BRIP1: variants seen among roughly 807,000 people sequenced by gnomAD.
The protein encoded by BRIP1 is Fanconi anemia group J protein.
Under a neutral mutation model 119.7 loss-of-function variants are expected in BRIP1, and 88 were observed. That is an observed-to-expected ratio of 0.74 (90% confidence interval 0.62 to 0.88). The LOEUF (loss-of-function observed/expected upper bound fraction) is 0.88, where lower values mean the gene tolerates loss of function less well. Ranked by LOEUF, BRIP1 falls within the 40% of genes least tolerant of loss-of-function variation. BRIP1 has a pLI of 0.00. For missense variants in BRIP1, 1,259 were observed against 1,455.4 expected, an observed-to-expected ratio of 0.87 and a Z score of 2.20; for synonymous variants, 443 against 496.5, an observed-to-expected ratio of 0.89 and a Z score of 1.43.
In BRIP1 at chr17:61,849,267, T is replaced by C. The variant is rs1407822955; in HGVS notation, c.380-11A>G. 6.2e-7 allele frequency: 1 copy of C among 1,606,106 alleles called. No individual in the cohort carries two copies. Among genetic ancestry groups the C allele is most frequent in the East Asian group, 2.2e-5 (1 of 44,716 alleles). On this transcript the variant is annotated splice_polypyrimidine_tract_variant and intron_variant, in intron 4 of 19. Coordinates refer to ENST00000259008, the MANE Select transcript of BRIP1 (RefSeq NM_032043.3). ...TTTTTTCAGGGGAGTCTTATATAAG[T>C]AATTTAAAAAAAACAGCATAAATAA...
intron 10 of BRIP1, among the ~76,000 whole-genome samples, chr17:61,787,396 A>ATTTATATAAAATC (rs1414628081): frequency 1.5e-5 from 2 of 137,518 alleles, no homozygotes; most frequent in Non-Finnish European, 3.1e-5. Context: ...TATAGTATAT[A>ATTTATATAAAATC]TATTTATATA....
In BRIP1 at chr17:61,861,563, T is replaced by G; in HGVS notation, c.-24A>C. On this transcript the variant is annotated 5_prime_UTR_variant, in exon 2 of 20. Transcript: ENST00000259008. This position sits in a 1 kb window ranked among gnomAD's most constrained non-coding sequence, Gnocchi z 4.5. ...ATAGTGCTTTCCTGTTTATTTCAGA[T>G]TCCTAACTACAACAGAAATGAAAAT... 1 of 1,521,872 alleles carries G rather than the reference T, an allele frequency of 6.6e-7. No homozygotes were observed. The highest frequency in any genetic ancestry group is 1.1e-5 in the South Asian group (1 of 89,152). The allele number at this position is 1,521,872 out of a possible 1,614,324, so 94.3% of individuals were successfully genotyped here.
At chr17:61,790,486 C>T (rs1364896082) in intron 10 of BRIP1, among the ~76,000 whole-genome samples, 1 of 151,884 alleles carries the variant, frequency 6.6e-6, no homozygotes, top group Non-Finnish European at 1.5e-5. Flanking sequence ...GCAGAGGTTG[C>T]GGTGAGCTGA....
chr17:61,781,103 A>G, intron 11 of BRIP1, 98 bp from the exon 12 acceptor site: 1 of 1,129,760 alleles, frequency 8.9e-7, no homozygotes, highest in South Asian at 1.3e-5. Flanking sequence ...AACTCATTTG[A>G]AAGAGCTGGT....
At chr17:61,859,715 G>T in intron 3 of BRIP1, 81 bp downstream of exon 3, 1 of 900,432 alleles carries the variant, frequency 1.1e-6, no homozygotes, top group Non-Finnish European at 1.9e-6. Context: ...CAGCATGGCT[G>T]AACCAGTCTG....
chr17:61,757,453 A>G lies in BRIP1; in HGVS notation c.2098-12862T>C, dbSNP rs2077215439. On this transcript the variant is annotated intron_variant, in intron 14 of 19. Transcript: ENST00000259008. The surrounding 1 kb of genome is among the most constrained non-coding windows in gnomAD (Gnocchi z 4.3). ...GTTGGCAATCTAACTGGAAATGAAG[A>G]TCCTACAGCCCTCTCTGAAAAGGAA... 6.6e-6 allele frequency among the ~76,000 whole-genome samples: 1 copy of G among 152,178 alleles called. No homozygotes were observed. The highest frequency in any genetic ancestry group is 1.5e-5 in the Non-Finnish European group (1 of 68,036).
At position 61,843,611 on chromosome 17, in the gene BRIP1, C is replaced by A. The variant is rs1230032482; in HGVS notation, c.627+3490G>T. Among the ~76,000 whole-genome samples the A allele has an allele frequency of 3.9e-5, 6 of 152,174 alleles. No individual in the cohort carries two copies. The East Asian group carries it at 1.2e-3, about 29-fold the overall frequency. On this transcript the variant is annotated intron_variant, in intron 6 of 19. Coordinates refer to ENST00000259008, the MANE Select transcript of BRIP1 (RefSeq NM_032043.3). This position sits in a 1 kb window ranked among gnomAD's most constrained non-coding sequence, Gnocchi z 5.7. ...TCTGGTTATTTAAAACAGTGTGGAA[C>A]CTCCTCTGCTCTCTCCTCTGTCCTC...
chr17:61,734,866 C>G lies in BRIP1; in HGVS notation c.2379+8147G>C, dbSNP rs1049689119. On this transcript the variant is annotated intron_variant, in intron 16 of 19. Coordinates refer to ENST00000259008, the MANE Select transcript of BRIP1 (RefSeq NM_032043.3). This position sits in a 1 kb window ranked among gnomAD's most constrained non-coding sequence, Gnocchi z 5.2. ...TAATGTCACTGCCTTCTTTTTCCCACTCAAATCACTTTTCTGACTCAATGA... is the reference window on the plus strand; with the variant it reads ...TAATGTCACTGCCTTCTTTTTCCCAGTCAAATCACTTTTCTGACTCAATGA... Among the ~76,000 whole-genome samples, 1 of 152,124 alleles carries G rather than the reference C, an allele frequency of 6.6e-6. No homozygotes were observed. The highest frequency in any genetic ancestry group is 1.5e-5 in the Non-Finnish European group (1 of 68,022).
Position 61,744,589 on chromosome 17 carries a change from T to C in BRIP1, c.2100A>G (p.Leu700=), listed in dbSNP as rs766047812. 6.8e-6 allele frequency: 11 copies of C among 1,612,700 alleles called. No individual in the cohort carries two copies. Among genetic ancestry groups the C allele is most frequent in the Non-Finnish European group, 8.5e-6 (10 of 1,178,946 alleles). ...GCCAACGTTCTTTTAATTTTTCTAA[T>C]AACTAAAGAGGGGAAAGAAAAAAAT... ...GILCFLPSYK[L]LEKLKERWLS... The change falls in exon 15 of 20, where the codon TTA becomes TTG. Residue 700 remains leucine (L), a splice_region_variant and synonymous_variant. Transcript: ENST00000259008. The surrounding 1 kb of genome is among the most constrained non-coding windows in gnomAD (Gnocchi z 5.0).
At chr17:61,836,850 G>A (rs1282899985) in intron 6 of BRIP1, among the ~76,000 whole-genome samples, 3 of 152,114 alleles carry the variant, frequency 2.0e-5, no homozygotes, top group Non-Finnish European at 4.4e-5. Flanking sequence ...GTATAAAAAT[G>A]AACTGTCATC....
At position 61,725,608 on chromosome 17, in the gene BRIP1, G is replaced by A. The variant is rs1274684650; in HGVS notation, c.2380-9545C>T. 6.6e-6 allele frequency among the ~76,000 whole-genome samples: 1 copy of A among 151,796 alleles called. No individual in the cohort carries two copies. The highest frequency in any genetic ancestry group is 1.5e-5 in the Non-Finnish European group (1 of 67,978). ...ATCTTAGCATGCTTATTCTGTAAAG[G>A]GCTAAGTTAAAGTTTTCATTTTTAT... On this transcript the variant is annotated intron_variant, in intron 16 of 19. Coordinates refer to ENST00000259008, the MANE Select transcript of BRIP1 (RefSeq NM_032043.3). The surrounding 1 kb of genome is among the most constrained non-coding windows in gnomAD (Gnocchi z 5.3).
In BRIP1 at chr17:61,814,661, G is replaced by A. The variant is rs552613081; in HGVS notation, c.628-5904C>T. ...GGCACAACTACTTGAGAGCAAATTGGTGATCTAGTGAAATCAAAGATACAT... is the reference window on the plus strand; with the variant it reads ...GGCACAACTACTTGAGAGCAAATTGATGATCTAGTGAAATCAAAGATACAT... On this transcript the variant is annotated intron_variant, in intron 6 of 19. Transcript: ENST00000259008. This position sits in a 1 kb window ranked among gnomAD's most constrained non-coding sequence, Gnocchi z 4.9. 2.1e-4 allele frequency among the ~76,000 whole-genome samples: 32 copies of A among 152,120 alleles called. No individual in the cohort carries two copies. The highest frequency in any genetic ancestry group is 3.7e-4 in the Non-Finnish European group (25 of 67,914).
intron 14 of BRIP1, among the ~76,000 whole-genome samples, chr17:61,766,923 C>G (rs1047080029): frequency 6.6e-6 from 1 of 152,024 alleles, no homozygotes; most frequent in African/African-American, 2.4e-5. Flanking sequence ...AGTTTAGAAA[C>G]TCTTCTACCC....
chr17:61,812,413 A>C (rs573583064), intron 6 of BRIP1, among the ~76,000 whole-genome samples: 1 of 152,276 alleles, frequency 6.6e-6, no homozygotes, highest in East Asian at 1.9e-4. Flanking sequence ...AATATATCTG[A>C]AAATCAATAC....
In BRIP1 at chr17:61,807,678, TA is replaced by T. The variant is rs1009045536; in HGVS notation, c.918+788del. Among the ~76,000 whole-genome samples the T allele has an allele frequency of 6.6e-6, 1 of 152,138 alleles. No individual in the cohort carries two copies. Among genetic ancestry groups the T allele is most frequent in the African/African-American group, 2.4e-5 (1 of 41,438 alleles). ...ATACTAGTGAAAAACAAAACAACTC[TA>T]AAAATATATTAAAATATCATTGGTC... On this transcript the variant is annotated intron_variant, in intron 7 of 19. Transcript: ENST00000259008. This position sits in a 1 kb window ranked among gnomAD's most constrained non-coding sequence, Gnocchi z 4.5.
Position 61,809,612 on chromosome 17 carries a change from A to G in BRIP1, c.628-855T>C, listed in dbSNP as rs973042031. ...AGTTTAATGCTATATATTAGAACTC[A>G]CAGGTTCTTAATAACTACTTCCTTC... On this transcript the variant is annotated intron_variant, in intron 6 of 19. Coordinates refer to ENST00000259008, the MANE Select transcript of BRIP1 (RefSeq NM_032043.3). This position sits in a 1 kb window ranked among gnomAD's most constrained non-coding sequence, Gnocchi z 5.2. Among the ~76,000 whole-genome samples, 1 of 152,200 alleles carries G rather than the reference A, an allele frequency of 6.6e-6. No individual in the cohort carries two copies. The highest frequency in any genetic ancestry group is 2.4e-5 in the African/African-American group (1 of 41,466).
chr17:61,828,297 C>G lies in BRIP1; in HGVS notation c.627+18804G>C, dbSNP rs529048583. ...AAACATTATGCTGAGTAAAATAAGCCAGACACAAAAGGACAAATATTGCAT... is the reference window on the plus strand; with the variant it reads ...AAACATTATGCTGAGTAAAATAAGCGAGACACAAAAGGACAAATATTGCAT... On this transcript the variant is annotated intron_variant, in intron 6 of 19. Coordinates refer to ENST00000259008, the MANE Select transcript of BRIP1 (RefSeq NM_032043.3). The surrounding 1 kb of genome is among the most constrained non-coding windows in gnomAD (Gnocchi z 4.1). Among the ~76,000 whole-genome samples, 1 of 152,104 alleles carries G rather than the reference C, an allele frequency of 6.6e-6. No homozygotes were observed. The highest frequency in any genetic ancestry group is 1.5e-5 in the Non-Finnish European group (1 of 67,988).
In BRIP1 at chr17:61,709,909, T is replaced by C. The variant is rs1409967839; in HGVS notation, c.2492+6042A>G. Among the ~76,000 whole-genome samples the C allele has an allele frequency of 6.6e-6, 1 of 152,180 alleles. No homozygotes were observed. The highest frequency in any genetic ancestry group is 1.5e-5 in the Non-Finnish European group (1 of 68,028). On this transcript the variant is annotated intron_variant, in intron 17 of 19. Transcript: ENST00000259008. This position sits in a 1 kb window ranked among gnomAD's most constrained non-coding sequence, Gnocchi z 5.0. ...AAAAATTAACATTAAAAGGAATCCA[T>C]TGGTTTCTGCTTACTTTAGATCTTC...
At chr17:61,697,950 C>A (rs2061554747) in intron 17 of BRIP1, among the ~76,000 whole-genome samples, 1 of 152,092 alleles carries the variant, frequency 6.6e-6, no homozygotes. Context: ...GGATTACAGG[C>A]ATGTACTACC....
Sources: gnomAD v4.1 joint callset for allele counts (sites outside exome capture counted in the v4.1 genomes callset) on GRCh38, gnomAD v4.1.1 for gene constraint, Gnocchi (gnomAD v3.1) non-coding constraint, MANE v1.5 for transcripts, NCBI Gene and HGNC (gene_info 2026-07-23, HGNC 2026-07-21) for gene names.